Variants in RAG1 observed in about 807,000 individuals in gnomAD.
RAG1 encodes the protein recombination activating 1, also known as V(D)J recombination-activating protein 1.
RAG1 carries 35 observed loss-of-function variants against 62.7 expected under a neutral mutation model. The observed-to-expected ratio is 0.56, with a 90% CI of 0.43 to 0.74. RAG1 has a LOEUF of 0.74. Ranked by LOEUF, RAG1 falls within the 30% of genes least tolerant of loss-of-function variation. RAG1 has a pLI of 0.00. For synonymous variants in RAG1, 461 were observed against 470.3 expected, an observed-to-expected ratio of 0.98 and a Z score of 0.26; for missense variants, 1,169 against 1,278.6, an observed-to-expected ratio of 0.91 and a Z score of 1.31.
chr11:36,565,105 T>C (rs967545771), upstream of RAG1, among the ~76,000 whole-genome samples: 4 of 152,224 alleles, frequency 2.6e-5, no homozygotes, highest in African/African-American at 4.8e-5. Flanking sequence ...AAATTGGTGA[T>C]GTTAGAAGAC....
At position 36,573,714 on chromosome 11, in the gene RAG1, C is replaced by T; in HGVS notation, c.410C>T (p.Thr137Ile). 6.2e-7 allele frequency: 1 copy of T among 1,614,034 alleles called. No homozygotes were observed. The highest frequency in any genetic ancestry group is 8.5e-7 in the Non-Finnish European group (1 of 1,180,030). Residue 137 changes from threonine (T) to isoleucine (I), a missense_variant, in exon 2 of 2, where the codon ACC becomes ATC. Physicochemically the swap from Thr to Ile is moderately conservative, Grantham distance 89 (BLOSUM62 -1). Transcript: ENST00000299440. Reference sequence around the variant, plus strand: ...GTCCATGGTCCTGTGGATGGTAAAACCCTAGGCCTTTTACGAAAGAAGGAA... The same window carrying T: ...GTCCATGGTCCTGTGGATGGTAAAATCCTAGGCCTTTTACGAAAGAAGGAA... ...YPVHGPVDGKTLGLLRKKEKR... is the reference protein window; with the variant it reads ...YPVHGPVDGKILGLLRKKEKR...
At chr11:36,538,922 T>G (rs1860372909), downstream of RAG1, among the ~76,000 whole-genome samples, 2 of 152,144 alleles carry the variant, frequency 1.3e-5, no homozygotes, top group Admixed American at 1.3e-4. Context: ...GAGGCCTCAA[T>G]TCAATCATTA....
At chr11:36,564,425 G>A (rs969172398), upstream of RAG1, among the ~76,000 whole-genome samples, 1 of 152,126 alleles carries the variant, frequency 6.6e-6, no homozygotes, top group African/African-American at 2.4e-5. Context: ...TGGGATAAGG[G>A]GAAGAGGGAA....
At chr11:36,551,149 A>C (rs948981766) in intron 3 of RAG1, among the ~76,000 whole-genome samples, 15 of 152,172 alleles carry the variant, frequency 9.9e-5, no homozygotes, top group Non-Finnish European at 1.9e-4. Flanking sequence ...GGATGATTAA[A>C]AAGTGCAGTA....
downstream of RAG1, among the ~76,000 whole-genome samples, chr11:36,537,251 A>C (rs1860346328): frequency 1.3e-5 from 2 of 152,192 alleles, no homozygotes; most frequent in Non-Finnish European, 2.9e-5. Context: ...TGCACTTTAA[A>C]ATATGTTTAA....
chr11:36,577,358 T>A lies in RAG1; in HGVS notation c.*922T>A, dbSNP rs1234486239. 2.4e-5 allele frequency: 4 copies of A among 167,038 alleles called. No homozygotes were observed. The highest frequency in any genetic ancestry group is 9.6e-5 in the African/African-American group (4 of 41,464). The allele number at this position is 167,038 out of a possible 1,614,324, so 10.3% of individuals were successfully genotyped here. On this transcript the variant is annotated 3_prime_UTR_variant, in exon 2 of 2. Coordinates refer to ENST00000299440, the MANE Select transcript of RAG1 (RefSeq NM_000448.3). ...GGTTAGCTTGATGTCTAAAAATATA[T>A]TTCATGTCTTACTGAAACATTTTGC...
At chr11:36,515,951 A>G (rs1859989386) in intron 1 of RAG1, among the ~76,000 whole-genome samples, 4 of 152,218 alleles carry the variant, frequency 2.6e-5, no homozygotes, top group Admixed American at 6.5e-5. Context: ...CCCAAATCCA[A>G]TAAAAAACCT....
In RAG1 at chr11:36,575,135, A is replaced by C; in HGVS notation, c.1831A>C (p.Lys611Gln). The C allele has an allele frequency of 2.5e-6, 4 of 1,614,148 alleles. No individual in the cohort carries two copies. Among genetic ancestry groups the C allele is most frequent in the Non-Finnish European group, 3.4e-6 (4 of 1,180,020 alleles). Reference protein sequence around the residue: ...SCDGMGDVSEKHGSGPVVPEK... With the variant: ...SCDGMGDVSEQHGSGPVVPEK... The stretch of plus-strand genomic sequence containing the variant: ...TGATGGAATGGGAGACGTGAGTGAG[A>C]AGCATGGGAGTGGGCCTGTAGTTCC... Residue 611 changes from lysine (K) to glutamine (Q), a missense_variant, in exon 2 of 2, where the codon AAG (lysine) becomes CAG (glutamine). This residue lies in a region of RAG1 where 800 missense variants were observed against 943.3 expected (regional missense o/e 0.85). Coordinates refer to ENST00000299440, the MANE Select transcript of RAG1 (RefSeq NM_000448.3). This position sits in a 1 kb window ranked among gnomAD's most constrained non-coding sequence, Gnocchi z 4.1.
intron 1 of RAG1, among the ~76,000 whole-genome samples, chr11:36,569,444 A>G (rs2133288647): frequency 6.6e-6 from 1 of 152,344 alleles, no homozygotes; most frequent in Middle Eastern, 3.4e-3. Context: ...ATATGAATCC[A>G]AGATAACTCT....
chr11:36,519,959 C>T (rs190319301), intron 1 of RAG1, among the ~76,000 whole-genome samples: 4 of 152,152 alleles, frequency 2.6e-5, no homozygotes, highest in Non-Finnish European at 2.9e-5. Context: ...AAATAGCCAC[C>T]GTGATTGGAA....
At chr11:36,529,369 G>A (rs116413689) in intron 2 of RAG1, among the ~76,000 whole-genome samples, 15,295 of 152,060 alleles carry the variant, frequency 0.1, 832 homozygotes, top group Non-Finnish European at 0.11. Context: ...AATCCCTCAC[G>A]TAAACAGAAC....
chr11:36,511,208 CT>C (rs1263322138), intron 1 of RAG1, among the ~76,000 whole-genome samples: 1 of 152,164 alleles, frequency 6.6e-6, no homozygotes, highest in Non-Finnish European at 1.5e-5. Flanking sequence ...AATCCCAGTA[CT>C]TTGGGAGGCT....
At position 36,575,090 on chromosome 11, in the gene RAG1, G is replaced by A. The variant is rs1850820995; in HGVS notation, c.1786G>A (p.Val596Met). Residue 596 changes from valine to methionine, a missense_variant, in exon 2 of 2, where the codon GTG (valine) becomes ATG (methionine). Coordinates refer to ENST00000299440, the MANE Select transcript of RAG1 (RefSeq NM_000448.3). This position sits in a 1 kb window ranked among gnomAD's most constrained non-coding sequence, Gnocchi z 4.1. ...LDDYLNGPFT[V>M]VVKESCDGMG... ...TGATTACCTGAATGGCCCCTTCACT[G>A]TGGTGGTGAAGGAGTCTTGTGATGG... 5 of 1,614,174 alleles carry A rather than the reference G, an allele frequency of 3.1e-6. No homozygotes were observed. In the East Asian group the frequency reaches 1.1e-4, roughly 36 times the overall value.
intron 2 of RAG1, among the ~76,000 whole-genome samples, chr11:36,522,860 C>T (rs1387776650): frequency 1.3e-5 from 2 of 152,208 alleles, no homozygotes; most frequent in Non-Finnish European, 2.9e-5. Flanking sequence ...TAAGATTTAA[C>T]TGCCCTGCTG....
intron 3 of RAG1, among the ~76,000 whole-genome samples, chr11:36,557,564 C>T (rs1850521648): frequency 1.3e-5 from 2 of 151,840 alleles, no homozygotes; most frequent in South Asian, 4.1e-4. Context: ...CAGAAATCAC[C>T]CGTCTTCTGC....
upstream of RAG1, among the ~76,000 whole-genome samples, chr11:36,567,066 C>A (rs901993692): frequency 1.3e-4 from 20 of 152,166 alleles, no homozygotes; most frequent in African/African-American, 4.1e-4. Flanking sequence ...TACACCTATT[C>A]ATTCTTGAAT....
At chr11:36,550,879 G>A (rs1017007825) in intron 3 of RAG1, among the ~76,000 whole-genome samples, 1 of 152,024 alleles carries the variant, frequency 6.6e-6, no homozygotes, top group African/African-American at 2.4e-5. Context: ...CTGCCTACTT[G>A]GGTCATGTGA....
chr11:36,573,707 G>T lies in RAG1; in HGVS notation c.403G>T (p.Gly135Cys). The change falls in exon 2 of 2, where the codon GGT (glycine) becomes TGT (cysteine). Residue 135 changes from glycine (G) to cysteine (C), a missense_variant. Physicochemically the swap from Gly to Cys is radical, Grantham distance 159. Around this residue, in one of 2 missense-constraint regions of RAG1, gnomAD observed 369 missense variants for 335.3 expected, o/e 1.10. Coordinates refer to ENST00000299440, the MANE Select transcript of RAG1 (RefSeq NM_000448.3). ...RRYPVHGPVDGKTLGLLRKKE... is the reference protein window; with the variant it reads ...RRYPVHGPVDCKTLGLLRKKE... ...ATATCCAGTCCATGGTCCTGTGGAT[G>T]GTAAAACCCTAGGCCTTTTACGAAA... 1 of 1,614,010 alleles carries T rather than the reference G, an allele frequency of 6.2e-7. No homozygotes were observed. Among genetic ancestry groups the T allele is most frequent in the Non-Finnish European group, 8.5e-7 (1 of 1,180,022 alleles).
In RAG1 at chr11:36,574,275, T is replaced by G; in HGVS notation, c.971T>G (p.Met324Arg). Residue 324 changes from methionine (M) to arginine (R), a missense_variant, in exon 2 of 2, where the codon ATG becomes AGG. Met to Arg is a moderately conservative substitution (Grantham distance 91). Coordinates refer to ENST00000299440, the MANE Select transcript of RAG1 (RefSeq NM_000448.3). ...RVCILRCLKV[M>R]GSYCPSCRYP... Reference sequence around the variant, plus strand: ...TGCATTCTCAGATGCCTCAAAGTCATGGGCAGCTATTGTCCCTCTTGCCGA... The same window carrying G: ...TGCATTCTCAGATGCCTCAAAGTCAGGGGCAGCTATTGTCCCTCTTGCCGA... The G allele has an allele frequency of 6.2e-7, 1 of 1,614,230 alleles. No individual in the cohort carries two copies. The highest frequency in any genetic ancestry group is 8.5e-7 in the Non-Finnish European group (1 of 1,180,038).
Sources: allele counts gnomAD v4.1 joint callset (sites outside exome capture counted in the v4.1 genomes callset), GRCh38; gene constraint gnomAD v4.1.1; regional missense constraint gnomAD v4.1.1; non-coding constraint Gnocchi (gnomAD v3.1); transcripts MANE v1.5; gene names NCBI Gene and HGNC (gene_info 2026-07-23, HGNC 2026-07-21).